The following ACBD3 variants were observed in gnomAD, a reference collection of about 807,000 sequenced individuals.
ACBD3 encodes acyl-CoA binding domain containing 3, also known as Golgi resident protein GCP60.
A neutral mutation model predicts 66.9 loss-of-function variants in ACBD3; 30 were observed. The ratio of observed to expected loss-of-function variants is 0.45; its 90% CI spans 0.34 to 0.61. ACBD3 has a LOEUF of 0.61. Among genes scored for constraint, ACBD3 ranks in the 20% least tolerant of loss-of-function variants. ACBD3 has a pLI of 0.02. For missense variants in ACBD3, 544 were observed against 664.5 expected, an observed-to-expected ratio of 0.82 and a Z score of 1.99; for synonymous variants, 278 against 259.8, an observed-to-expected ratio of 1.07 and a Z score of -0.68.
intron 3 of ACBD3, among the ~76,000 whole-genome samples, chr1:226,162,707 C>T (rs904974304): frequency 6.6e-6 from 1 of 151,596 alleles, no homozygotes; most frequent in South Asian, 2.1e-4. Context: ...ATTGTCTGGG[C>T]TACCTCACCT....
At chr1:226,168,973 C>T (rs1236588462) in intron 1 of ACBD3, among the ~76,000 whole-genome samples, 5 of 152,084 alleles carry the variant, frequency 3.3e-5, no homozygotes, top group Non-Finnish European at 5.9e-5. Context: ...AGTGATTCTC[C>T]TGCCTCAGCC....
Position 226,154,663 on chromosome 1 carries a change from C to T in ACBD3, c.1074G>A (p.Leu358=). 1.2e-6 allele frequency: 2 copies of T among 1,612,396 alleles called. No homozygotes were observed. Among genetic ancestry groups the T allele is most frequent in the Non-Finnish European group, 1.7e-6 (2 of 1,179,154 alleles). Residue 358 remains leucine, a synonymous_variant, in exon 6 of 8, where the codon CTG becomes CTA. Coordinates refer to ENST00000366812, the MANE Select transcript of ACBD3 (RefSeq NM_022735.4). The part of the protein sequence containing the change: ...ELEPEAAEEA[L]ENGPKESLPV... ...AAAACCTACCTTTTGGTCCATTCTC[C>T]AGGGCTTCTTCTGCAGCTTCTGGTT...
At chr1:226,169,761 C>T (rs61836880) in intron 1 of ACBD3, among the ~76,000 whole-genome samples, 21,903 of 150,530 alleles carry the variant, frequency 0.15, 1,798 homozygotes, top group East Asian at 0.22. Context: ...GTGGCTCACA[C>T]CTGTAATCCC....
intron 6 of ACBD3, 194 bp downstream of exon 6, chr1:226,154,453 A>G (rs1230720233): frequency 2.9e-5 from 13 of 450,764 alleles, no homozygotes; most frequent in Non-Finnish European, 4.6e-5. Context: ...GTGTCCAAAG[A>G]CATCTGATTT....
At chr1:226,166,120 A>C in intron 1 of ACBD3, 120 bp from the exon 2 acceptor site, 1 of 1,103,612 alleles carries the variant, frequency 9.1e-7, no homozygotes, top group Non-Finnish European at 1.2e-6. Context: ...AGACACAAAC[A>C]CTAATAGTGA....
intron 7 of ACBD3, among the ~76,000 whole-genome samples, chr1:226,151,813 C>G (rs1659577667): frequency 6.6e-6 from 1 of 152,154 alleles, no homozygotes; most frequent in Non-Finnish European, 1.5e-5. Context: ...CGAGACCAGC[C>G]TGACCAACAT....
rs1487276337 is a variant in ACBD3, at chr1:226,154,763, G to A, written c.974C>T (p.Ala325Val). 6.2e-7 allele frequency: 1 copy of A among 1,613,482 alleles called. No individual in the cohort carries two copies. Among genetic ancestry groups the A allele is most frequent in the African/African-American group, 1.3e-5 (1 of 74,860 alleles). Residue 325 changes from alanine (A) to valine (V), a missense_variant, in exon 6 of 8, where the codon GCA becomes GTA. Transcript: ENST00000366812. ...TGACATCATATTACTTGGTACAGTT[G>A]CATTCACTTTTGATGATGTAGGCAA... The part of the protein sequence containing the change: ...SSLPTSSKVN[A>V]TVPSNMMSVN...
At position 226,165,910 on chromosome 1, in the gene ACBD3, G is replaced by A. The variant is rs2102783031; in HGVS notation, c.377C>T (p.Pro126Leu). 6.2e-7 allele frequency: 1 copy of A among 1,613,380 alleles called. No homozygotes were observed. The highest frequency in any genetic ancestry group is 2.2e-5 in the East Asian group (1 of 44,818). Residue 126 changes from proline (P) to leucine (L), a missense_variant, in exon 2 of 8, where the codon CCA becomes CTA. Coordinates refer to ENST00000366812, the MANE Select transcript of ACBD3 (RefSeq NM_022735.4). The stretch of plus-strand genomic sequence containing the variant: ...GAATCCAACCTCAGGACAAGTGTCT[G>A]GATTATATGGGCCCATAAGAACTTG... ...HKQVLMGPYN[P>L]DTCPEVGFFD...
chr1:226,185,810 T>G (rs557037993), intron 1 of ACBD3, among the ~76,000 whole-genome samples: 8 of 152,246 alleles, frequency 5.3e-5, no homozygotes, highest in Non-Finnish European at 8.8e-5. Context: ...CCTCAAGAGT[T>G]TGACAAGCCG....
At chr1:226,171,912 T>A (rs1660000940) in intron 1 of ACBD3, among the ~76,000 whole-genome samples, 1 of 151,574 alleles carries the variant, frequency 6.6e-6, no homozygotes, top group African/African-American at 2.4e-5. Context: ...TCCCGGCACT[T>A]TGGGAGGCTG....
At chr1:226,150,447 C>T (rs1294099846) in intron 7 of ACBD3, among the ~76,000 whole-genome samples, 2 of 151,690 alleles carry the variant, frequency 1.3e-5, no homozygotes, top group Non-Finnish European at 2.9e-5. Context: ...GGTGTGATCT[C>T]GGCTCACTGC....
At chr1:226,162,672 A>G (rs987299078) in intron 3 of ACBD3, among the ~76,000 whole-genome samples, 4 of 152,044 alleles carry the variant, frequency 2.6e-5, no homozygotes, top group Non-Finnish European at 5.9e-5. Context: ...CAGATAAGAC[A>G]CTATTTCATA....
chr1:226,153,454 C>G (rs1436826358), intron 6 of ACBD3, among the ~76,000 whole-genome samples: 2 of 152,186 alleles, frequency 1.3e-5, no homozygotes, highest in African/African-American at 2.4e-5. Context: ...TAGTTAACTC[C>G]TCTTGCTTCA....
In ACBD3 at chr1:226,146,645, T is replaced by C; in HGVS notation, c.1552A>G (p.Lys518Glu). ...TAATAGACTCTGTAGTAGACTGATTTTGACCGCCACAAAGAGTAGGAGTTG... is the reference window on the plus strand; with the variant it reads ...TAATAGACTCTGTAGTAGACTGATTCTGACCGCCACAAAGAGTAGGAGTTG... ...FDNSYSLWRS[K>E]SVYYRVYYTR The change falls in exon 8 of 8, where the codon AAA becomes GAA. Residue 518 changes from lysine (K) to glutamate (E), a missense_variant. Lys to Glu is a moderately conservative substitution (Grantham distance 56). Transcript: ENST00000366812. The C allele has an allele frequency of 6.2e-7, 1 of 1,614,026 alleles. No individual in the cohort carries two copies. Among genetic ancestry groups the C allele is most frequent in the Non-Finnish European group, 8.5e-7 (1 of 1,180,010 alleles).
At chr1:226,181,059 G>A (rs1340703905) in intron 1 of ACBD3, among the ~76,000 whole-genome samples, 1 of 150,628 alleles carries the variant, frequency 6.6e-6, no homozygotes, top group Non-Finnish European at 1.5e-5. Context: ...TCCAGTCAAA[G>A]GAAAGTTTTG....
At chr1:226,155,220 C>G (rs1387816269) in intron 5 of ACBD3, 1 of 153,966 alleles carries the variant, frequency 6.5e-6, no homozygotes, top group Non-Finnish European at 1.4e-5. Context: ...GAGCTCAAGA[C>G]CAGCCTGACC....
At chr1:226,175,091 C>CA (rs35201518) in intron 1 of ACBD3, among the ~76,000 whole-genome samples, 2,124 of 75,652 alleles carry the variant, frequency 0.028, 83 homozygotes, top group East Asian at 0.18. Context: ...GACTCCATCT[C>CA]AAAAAAAAAA....
Position 226,152,604 on chromosome 1 carries a change from A to C in ACBD3, c.1106T>G (p.Ile369Arg), listed in dbSNP as rs1441455954. 1 of 1,613,978 alleles carries C rather than the reference A, an allele frequency of 6.2e-7. No homozygotes were observed. The highest frequency in any genetic ancestry group is 1.1e-5 in the South Asian group (1 of 91,066). The change falls in exon 7 of 8, where the codon ATA becomes AGA. Residue 369 changes from isoleucine to arginine, a missense_variant. This residue lies in a region of ACBD3 where 383 missense variants were observed against 462.4 expected (regional missense o/e 0.83). Coordinates refer to ENST00000366812, the MANE Select transcript of ACBD3 (RefSeq NM_022735.4). ...TCGTGTCCACATGGATGGAGCTGCT[A>C]TTACTGGAAGAGATTCTAAAGGCAA... ...ENGPKESLPV[I>R]AAPSMWTRPQ...
Position 226,146,563 on chromosome 1 carries a change from T to C in ACBD3, c.*47A>G, listed in dbSNP as rs1409765601. The C allele has an allele frequency of 1.3e-6, 2 of 1,515,340 alleles. No individual in the cohort carries two copies. Among genetic ancestry groups the C allele is most frequent in the East Asian group, 2.3e-5 (1 of 44,150 alleles). The allele number at this position is 1,515,340 out of a possible 1,614,324, so 93.9% of individuals were successfully genotyped here. The stretch of plus-strand genomic sequence containing the variant: ...AGTAAAAAGAAATTTCCAAATTAAA[T>C]GTCATCTTCTGCCCAACCCTAGACT... On this transcript the variant is annotated 3_prime_UTR_variant, in exon 8 of 8. Transcript: ENST00000366812.
Sources: gnomAD v4.1 joint callset for allele counts (sites outside exome capture counted in the v4.1 genomes callset) on GRCh38, gnomAD v4.1.1 for gene constraint, gnomAD v4.1.1 regional missense constraint, MANE v1.5 for transcripts, NCBI Gene and HGNC (gene_info 2026-07-23, HGNC 2026-07-21) for gene names.